The following ATP6V1C2 variants were observed in gnomAD, a reference collection of about 807,000 sequenced individuals.
ATP6V1C2 encodes the protein ATPase H+ transporting V1 subunit C2.
Under a neutral mutation model 56.8 loss-of-function variants are expected in ATP6V1C2, and 45 were observed. That is an observed-to-expected ratio of 0.79 (90% CI 0.62 to 1.02). The LOEUF (loss-of-function observed/expected upper bound fraction) is 1.02, where lower values mean the gene tolerates loss of function less well. Among genes scored for constraint, ATP6V1C2 ranks in the 50% least tolerant of loss-of-function variants. The pLI is 0.00. For synonymous variants in ATP6V1C2, 220 were observed against 201.3 expected, an observed-to-expected ratio of 1.09 and a Z score of -0.79; for missense variants, 463 against 519.7, an observed-to-expected ratio of 0.89 and a Z score of 1.06.
chr2:10,723,837 CAAAAAAAA>C (rs145669254), intron 2 of ATP6V1C2, among the ~76,000 whole-genome samples: 36 of 122,946 alleles, frequency 2.9e-4, no homozygotes, highest in Admixed American at 5.7e-4. Flanking sequence ...GACTCTGTCT[CAAAAAAAA>C]AAAAAAAAAA....
At chr2:10,766,869 A>T (rs1320714002) in intron 5 of ATP6V1C2, among the ~76,000 whole-genome samples, 1 of 152,206 alleles carries the variant, frequency 6.6e-6, no homozygotes, top group Non-Finnish European at 1.5e-5. Flanking sequence ...ATATAGTTGC[A>T]TAGTACAGTA....
At chr2:10,724,488 CTG>C (rs1661531644) in intron 2 of ATP6V1C2, among the ~76,000 whole-genome samples, 1 of 152,056 alleles carries the variant, frequency 6.6e-6, no homozygotes, top group South Asian at 2.1e-4. Flanking sequence ...GCAATGGACA[CTG>C]TACGGGTGAG....
Position 10,722,933 on chromosome 2 carries a change from G to A in ATP6V1C2, c.84G>A (p.Lys28=). The change falls in exon 2 of 14, where the codon AAG becomes AAA. Residue 28 remains lysine, a synonymous_variant. Transcript: ENST00000272238. ...ALERMNTVTS[K]SNLSYNTKFA... ...AGAGGATGAATACTGTAACCTCCAA[G>A]TCCAACCTGTCTTATAATACCAAAT... 1 of 1,614,104 alleles carries A rather than the reference G, an allele frequency of 6.2e-7. No individual in the cohort carries two copies. Among genetic ancestry groups the A allele is most frequent in the Non-Finnish European group, 8.5e-7 (1 of 1,180,012 alleles).
intron 1 of ATP6V1C2, among the ~76,000 whole-genome samples, chr2:10,722,429 C>A (rs1261579245): frequency 6.6e-6 from 1 of 152,180 alleles, no homozygotes; most frequent in African/African-American, 2.4e-5. Flanking sequence ...CCTCATCCCA[C>A]GCCTTCCTCC....
Position 10,781,183 on chromosome 2 carries a change from C to T in ATP6V1C2, c.1062-1060C>T, listed in dbSNP as rs572121270. Reference sequence around the variant, plus strand: ...GTATGTCCCTTAAGGACCTAGGGTGCCTACCACCCACCACAGCGAGCACAA... The same window carrying T: ...GTATGTCCCTTAAGGACCTAGGGTGTCTACCACCCACCACAGCGAGCACAA... On this transcript the variant is annotated intron_variant, in intron 12 of 13. Coordinates refer to ENST00000272238, the MANE Select transcript of ATP6V1C2 (RefSeq NM_001039362.2). Among the ~76,000 whole-genome samples the T allele has an allele frequency of 2.6e-4, 40 of 152,242 alleles. 1 individual carries two copies. In the South Asian group the frequency reaches 8.1e-3, roughly 31 times the overall value.
chr2:10,727,360 C>T (rs1572498014), intron 3 of ATP6V1C2, among the ~76,000 whole-genome samples: 2 of 150,042 alleles, frequency 1.3e-5, no homozygotes, highest in Middle Eastern at 3.4e-3. Flanking sequence ...CATGAGCCAC[C>T]ATGCCCAGCC....
At chr2:10,765,605 T>C (rs1220276723) in intron 5 of ATP6V1C2, among the ~76,000 whole-genome samples, 1 of 152,236 alleles carries the variant, frequency 6.6e-6, no homozygotes, top group Non-Finnish European at 1.5e-5. Context: ...CGGGTGCTGC[T>C]TACATCAGAG....
chr2:10,772,036 C>A, intron 7 of ATP6V1C2, 99 bp downstream of exon 7: 2 of 971,602 alleles, frequency 2.1e-6, no homozygotes, highest in Non-Finnish European at 3.3e-6. Flanking sequence ...ATGCTCCCTG[C>A]CCAGCCCCAG....
rs757616781 is a variant in ATP6V1C2, at chr2:10,772,518, C to T, written c.570-24C>T. On this transcript the variant is annotated intron_variant, in intron 7 of 13. Coordinates refer to ENST00000272238, the MANE Select transcript of ATP6V1C2 (RefSeq NM_001039362.2). ...CACGAGCCTTTTCTGCAAAAAATCA[C>T]GTAACGATTCTATGTTCTTGCAGAC... 1.3e-5 allele frequency: 21 copies of T among 1,605,330 alleles called. 1 individual carries two copies. The highest frequency in any genetic ancestry group is 3.3e-5 in the South Asian group (3 of 90,808).
chr2:10,779,447 G>GTA (rs112760326), intron 12 of ATP6V1C2, among the ~76,000 whole-genome samples: 309 of 140,502 alleles, frequency 2.2e-3, no homozygotes, highest in Middle Eastern at 3.7e-3. Flanking sequence ...ATATATGTAT[G>GTA]TATATATATA....
chr2:10,722,101 G>T (rs958010950), intron 1 of ATP6V1C2, among the ~76,000 whole-genome samples: 20 of 152,164 alleles, frequency 1.3e-4, no homozygotes, highest in African/African-American at 4.8e-4. Context: ...GGGGAGGCAA[G>T]CGGAAAGGGG....
intron 4 of ATP6V1C2, among the ~76,000 whole-genome samples, chr2:10,758,072 G>T (rs1456932978): frequency 2.6e-5 from 4 of 152,180 alleles, no homozygotes; most frequent in African/African-American, 9.7e-5. Flanking sequence ...CAGTTTGTTT[G>T]TCACACTGAG....
intron 5 of ATP6V1C2, among the ~76,000 whole-genome samples, chr2:10,768,423 A>G (rs1234417752): frequency 6.6e-6 from 1 of 152,244 alleles, no homozygotes; most frequent in East Asian, 1.9e-4. Flanking sequence ...GCCCTCCAGC[A>G]GAGCCTGAGA....
intron 4 of ATP6V1C2, 114 bp from the exon 5 acceptor site, chr2:10,764,217 T>C: frequency 1.1e-6 from 1 of 900,800 alleles, no homozygotes; most frequent in Admixed American, 2.0e-5. Flanking sequence ...CCGCCGGCGT[T>C]GCCCATGATG....
chr2:10,759,549 C>T (rs1471895901), intron 4 of ATP6V1C2, among the ~76,000 whole-genome samples: 2 of 152,308 alleles, frequency 1.3e-5, no homozygotes, highest in East Asian at 3.9e-4. Flanking sequence ...GGGTCATGGC[C>T]TGACCTCATG....
intron 2 of ATP6V1C2, among the ~76,000 whole-genome samples, chr2:10,725,489 ATT>A (rs371459373): frequency 9.3e-5 from 10 of 107,146 alleles, no homozygotes; most frequent in African/African-American, 1.1e-4. Flanking sequence ...CCCAGCAAGA[ATT>A]TTTTTTTTTT....
Position 10,768,778 on chromosome 2 carries a change from G to A in ATP6V1C2, c.438G>A (p.Lys146=). The A allele has an allele frequency of 1.2e-6, 2 of 1,614,012 alleles. No homozygotes were observed. The highest frequency in any genetic ancestry group is 1.7e-6 in the Non-Finnish European group (2 of 1,180,032). The part of the protein sequence containing the change: ...KSRTAAYNTL[K]TNLENLEKKS... ...GAACGGCCGCCTACAACACTCTGAA[G>A]ACAAACCTGGAGAACCTGGAAAAGA... is the stretch of plus-strand genomic sequence containing the variant. The change falls in exon 6 of 14, where the codon AAG becomes AAA. Residue 146 remains lysine, a synonymous_variant. Coordinates refer to ENST00000272238, the MANE Select transcript of ATP6V1C2 (RefSeq NM_001039362.2).
intron 12 of ATP6V1C2, among the ~76,000 whole-genome samples, chr2:10,781,934 G>A (rs995936565): frequency 6.6e-6 from 1 of 152,226 alleles, no homozygotes; most frequent in Non-Finnish European, 1.5e-5. Context: ...ACGCCTTGGA[G>A]TCCGAATGTT....
At position 10,766,989 on chromosome 2, in the gene ATP6V1C2, A is replaced by C. The variant is rs565992673; in HGVS notation, c.379-1730A>C. Among the ~76,000 whole-genome samples, 6 of 152,236 alleles carry C rather than the reference A, an allele frequency of 3.9e-5. No homozygotes were observed. In the East Asian group the frequency reaches 1.2e-3, roughly 29 times the overall value. On this transcript the variant is annotated intron_variant, in intron 5 of 13. Coordinates refer to ENST00000272238, the MANE Select transcript of ATP6V1C2 (RefSeq NM_001039362.2). ...TAGGATCTCTGTGTACTATTTTTGC[A>C]ACGTCCTGTGAATCTATAATCATTT... is the stretch of plus-strand genomic sequence containing the variant.
Sources: gnomAD v4.1 joint callset for allele counts (sites outside exome capture counted in the v4.1 genomes callset) on GRCh38, gnomAD v4.1.1 for gene constraint, MANE v1.5 for transcripts, NCBI Gene and HGNC (gene_info 2026-07-23, HGNC 2026-07-21) for gene names.